AUTS2: variants seen among roughly 807,000 people sequenced by gnomAD.
AUTS2 encodes autism susceptibility gene 2 protein.
Under a neutral mutation model 112.4 loss-of-function variants are expected in AUTS2, and 17 were observed. The ratio of observed to expected loss-of-function variants is 0.15; its 90% CI spans 0.10 to 0.23. The LOEUF (loss-of-function observed/expected upper bound fraction) is 0.23. Ranked by LOEUF, AUTS2 falls within the 10% of genes least tolerant of loss-of-function variation. AUTS2 has a pLI of 1.00. For synonymous variants in AUTS2, 751 were observed against 702.7 expected (o/e 1.07, Z -1.09); for missense variants, 1,510 against 1,701.6 (o/e 0.89, Z 1.98).
At chr7:69,800,264 G>C (rs908586352) in intron 1 of AUTS2, among the ~76,000 whole-genome samples, 2 of 152,204 alleles carry the variant, frequency 1.3e-5, no homozygotes, top group African/African-American at 4.8e-5. Context: ...CATGTAGCAA[G>C]AGTGCAGGCT....
At chr7:70,590,067 G>C (rs1802867532) in intron 5 of AUTS2, among the ~76,000 whole-genome samples, 1 of 152,042 alleles carries the variant, frequency 6.6e-6, no homozygotes, top group African/African-American at 2.4e-5. Flanking sequence ...TCAGACAAGT[G>C]CACCCAGGTT....
intron 1 of AUTS2, among the ~76,000 whole-genome samples, chr7:69,794,741 A>C (rs1789764275): frequency 6.6e-6 from 1 of 152,044 alleles, no homozygotes; most frequent in Non-Finnish European, 1.5e-5. Flanking sequence ...GGGTAGGTGC[A>C]CCTGTGCAAC....
chr7:70,344,125 G>T (rs1029344575), intron 4 of AUTS2, among the ~76,000 whole-genome samples: 1 of 152,166 alleles, frequency 6.6e-6, no homozygotes, highest in African/African-American at 2.4e-5. Context: ...AAAATTGTGT[G>T]CCCTAGACAC....
At position 70,187,775 on chromosome 7, in the gene AUTS2, CTTTTTTTTTT is replaced by C. The variant is rs71077627; in HGVS notation, c.660+53216_660+53225del. ...CTGTCAGACATACTCAACTAGTCTT[CTTTTTTTTTT>C]TTTTTTTTTTTGAGACGGAGTCACT... On this transcript the variant is annotated intron_variant, in intron 4 of 18. Coordinates refer to ENST00000342771, the MANE Select transcript of AUTS2 (RefSeq NM_015570.4). Among the ~76,000 whole-genome samples, 8 of 110,316 alleles carry C rather than the reference CTTTTTTTTTT, an allele frequency of 7.3e-5. No homozygotes were observed. The South Asian group carries it at 1.9e-3, about 26-fold the overall frequency. The allele number at this position is 110,316 out of a possible 152,430, so 72.4% of individuals were successfully genotyped here. A position where few individuals can be genotyped will look rare whatever the true frequency, so the allele number is the denominator to read the frequency against.
chr7:70,229,042 T>C (rs1182123022), intron 4 of AUTS2, among the ~76,000 whole-genome samples: 1 of 151,886 alleles, frequency 6.6e-6, no homozygotes, highest in East Asian at 1.9e-4. Context: ...AATCTTTCTA[T>C]ATTATATGTC....
intron 1 of AUTS2, among the ~76,000 whole-genome samples, chr7:69,786,324 A>G (rs1469721951): frequency 6.6e-6 from 1 of 152,202 alleles, no homozygotes; most frequent in Non-Finnish European, 1.5e-5. Flanking sequence ...TTGTAAATGC[A>G]CCAGTCAGCA....
intron 5 of AUTS2, among the ~76,000 whole-genome samples, chr7:70,613,306 T>G (rs1232551732): frequency 6.6e-6 from 1 of 151,996 alleles, no homozygotes; most frequent in Non-Finnish European, 1.5e-5. Context: ...TTTTCTAGAT[T>G]GAGCCACTGA....
intron 1 of AUTS2, among the ~76,000 whole-genome samples, chr7:69,656,249 G>A (rs73164766): frequency 1.5e-3 from 225 of 152,296 alleles, no homozygotes; most frequent in Non-Finnish European, 2.4e-3. Context: ...TCTTGACGCA[G>A]CTGACCCCTA....
intron 2 of AUTS2, among the ~76,000 whole-genome samples, chr7:69,998,642 T>C (rs1408056824): frequency 6.6e-6 from 1 of 152,260 alleles, no homozygotes; most frequent in Admixed American, 6.5e-5. Context: ...GTAAGTAGTA[T>C]TGAAGTTACA....
At chr7:70,628,361 A>ATATATATATGTATATG (rs1166349859) in intron 5 of AUTS2, among the ~76,000 whole-genome samples, 5 of 6,454 alleles carry the variant, frequency 7.7e-4, no homozygotes, top group Non-Finnish European at 1.5e-3. Flanking sequence ...ATATGTATAT[A>ATATATATATGTATATG]TATATATATG....
chr7:70,044,511 T>G (rs182923206), intron 2 of AUTS2, among the ~76,000 whole-genome samples: 1 of 152,270 alleles, frequency 6.6e-6, no homozygotes, highest in Admixed American at 6.5e-5. Flanking sequence ...ATCCAGCGTG[T>G]GTTAGATTCT....
At chr7:69,781,684 A>C (rs1046095906) in intron 1 of AUTS2, among the ~76,000 whole-genome samples, 5 of 152,178 alleles carry the variant, frequency 3.3e-5, no homozygotes, top group African/African-American at 1.2e-4. Flanking sequence ...CATTACTTGT[A>C]ATCTTGCCTC....
At chr7:70,431,173 T>A (rs1472494501) in intron 4 of AUTS2, among the ~76,000 whole-genome samples, 1 of 152,080 alleles carries the variant, frequency 6.6e-6, no homozygotes, top group Non-Finnish European at 1.5e-5. Flanking sequence ...ACAGGATAAA[T>A]TTTACTGATT....
chr7:70,002,219 TAGAC>T (rs1563028457), intron 2 of AUTS2, among the ~76,000 whole-genome samples: 1 of 152,196 alleles, frequency 6.6e-6, no homozygotes, highest in Non-Finnish European at 1.5e-5. Context: ...GGGGATGTCA[TAGAC>T]AGAATGCATT....
chr7:69,932,934 A>T (rs1369802074), intron 2 of AUTS2, among the ~76,000 whole-genome samples: 1 of 152,218 alleles, frequency 6.6e-6, no homozygotes, highest in Admixed American at 6.5e-5. Context: ...GGTCTATAAT[A>T]ACTCCAGGAT....
At chr7:70,165,577 G>A (rs1393949043) in intron 4 of AUTS2, among the ~76,000 whole-genome samples, 1 of 152,002 alleles carries the variant, frequency 6.6e-6, no homozygotes, top group East Asian at 1.9e-4. Context: ...AAAACGGAAA[G>A]TAAATTAAGT....
intron 4 of AUTS2, among the ~76,000 whole-genome samples, chr7:70,430,348 C>A (rs1225854075): frequency 6.6e-6 from 1 of 152,136 alleles, no homozygotes; most frequent in African/African-American, 2.4e-5. Flanking sequence ...GGGGCACATA[C>A]CCAACGGAAG....
At chr7:70,581,348 T>A (rs1367396982) in intron 5 of AUTS2, among the ~76,000 whole-genome samples, 1 of 152,128 alleles carries the variant, frequency 6.6e-6, no homozygotes, top group East Asian at 1.9e-4. Context: ...ATTGCGCCAT[T>A]GCATTCCAGC....
intron 4 of AUTS2, among the ~76,000 whole-genome samples, chr7:70,290,058 C>T (rs1788638765): frequency 6.6e-6 from 1 of 152,084 alleles, no homozygotes; most frequent in Non-Finnish European, 1.5e-5. Context: ...GACGAGATTT[C>T]AGGGAGTATA....
Sources: gnomAD v4.1 joint callset for allele counts (sites outside exome capture counted in the v4.1 genomes callset) on GRCh38, gnomAD v4.1.1 for gene constraint, MANE v1.5 for transcripts, NCBI Gene and HGNC (gene_info 2026-07-23, HGNC 2026-07-21) for gene names.